KCNQ1: variants seen among roughly 807,000 people sequenced by gnomAD.
The protein encoded by KCNQ1 is potassium voltage-gated channel subfamily KQT member 1.
In KCNQ1, 49 loss-of-function variants were observed where a neutral mutation model predicts 72.4. The observed-to-expected ratio is 0.68, with a 90% CI of 0.54 to 0.86. The LOEUF (loss-of-function observed/expected upper bound fraction) is 0.86. Ranked by LOEUF, KCNQ1 falls within the 40% of genes least tolerant of loss-of-function variation. The pLI is 0.00. For missense variants in KCNQ1, 790 were observed against 945.1 expected, an observed-to-expected ratio of 0.84 and a Z score of 2.15; for synonymous variants, 450 against 412.6, an observed-to-expected ratio of 1.09 and a Z score of -1.10.
In KCNQ1 at chr11:2,445,126, G is replaced by A. The variant is rs1477225534; in HGVS notation, c.28G>A (p.Ala10Thr). 3 of 1,114,232 alleles carry A rather than the reference G, an allele frequency of 2.7e-6. No individual in the cohort carries two copies. The South Asian group carries it at 1.1e-4, about 39-fold the overall frequency. 69.0% of individuals were successfully genotyped at this position (1,114,232 alleles called of 1,614,324 possible). Residue 10 changes from alanine (A) to threonine (T), a missense_variant, in exon 1 of 16, where the codon GCC becomes ACC. Around this residue, in one of 5 missense-constraint regions of KCNQ1, gnomAD observed 294 missense variants for 323.3 expected, o/e 0.91. Coordinates refer to ENST00000155840, the MANE Select transcript of KCNQ1 (RefSeq NM_000218.3). MAAASSPPRAERKRWGWGRL... is the reference protein window; with the variant it reads MAAASSPPRTERKRWGWGRL... ...GGCCGCGGCCTCCTCCCCGCCCAGG[G>A]CCGAGAGGAAGCGCTGGGGTTGGGG...
intron 11 of KCNQ1, chr11:2,686,825 A>AC (rs1387000169): frequency 2.5e-6 from 1 of 398,550 alleles, no homozygotes; most frequent in East Asian, 3.6e-5. Flanking sequence ...GAGCAGCACA[A>AC]GTAACTCAGA....
intron 2 of KCNQ1, among the ~76,000 whole-genome samples, chr11:2,556,591 A>G (rs1848073817): frequency 6.6e-6 from 1 of 152,188 alleles, no homozygotes; most frequent in Non-Finnish European, 1.5e-5. Flanking sequence ...TAAAATATTT[A>G]CTATCTGGCT....
In KCNQ1 at chr11:2,713,895, A is replaced by G. The variant is rs959321116; in HGVS notation, c.1514+51814A>G. Among the ~76,000 whole-genome samples the G allele has an allele frequency of 1.3e-5, 2 of 152,224 alleles. No individual in the cohort carries two copies. Among genetic ancestry groups the G allele is most frequent in the Non-Finnish European group, 1.5e-5 (1 of 68,032 alleles). ...GCGCTCGGAGCCTGGCCCTGCAGAC[A>G]CGATGGCCCAGCACGCCGCTCACTG... On this transcript the variant is annotated intron_variant, in intron 11 of 15. Coordinates refer to ENST00000155840, the MANE Select transcript of KCNQ1 (RefSeq NM_000218.3). The surrounding 1 kb of genome is among the most constrained non-coding windows in gnomAD (Gnocchi z 5.6).
chr11:2,525,605 A>G (rs1847485220), intron 1 of KCNQ1, among the ~76,000 whole-genome samples: 1 of 152,208 alleles, frequency 6.6e-6, no homozygotes, highest in South Asian at 2.1e-4. Context: ...AATGCCAGGC[A>G]GCTTATGCAG....
chr11:2,484,256 G>C lies in KCNQ1; in HGVS notation c.386+38772G>C, dbSNP rs551624799. ...TCGGCTCACTGAAACCTCTGCCTCC[G>C]GGGTTCAAGTGATTCTCCTGCCTCA... On this transcript the variant is annotated intron_variant, in intron 1 of 15. Transcript: ENST00000155840. The surrounding 1 kb of genome is among the most constrained non-coding windows in gnomAD (Gnocchi z 5.2). Among the ~76,000 whole-genome samples the C allele has an allele frequency of 3.2e-4, 48 of 152,094 alleles. No homozygotes were observed. The highest frequency in any genetic ancestry group is 9.4e-4 in the African/African-American group (39 of 41,484).
chr11:2,681,375 TG>T, intron 11 of KCNQ1: 1 of 398,502 alleles, frequency 2.5e-6, no homozygotes, highest in Admixed American at 4.4e-5. Context: ...ATGTGGAGGA[TG>T]GCTCTTGGGG....
intron 12 of KCNQ1, among the ~76,000 whole-genome samples, chr11:2,774,065 G>A (rs1301116539): frequency 1.3e-5 from 2 of 152,008 alleles, no homozygotes; most frequent in Non-Finnish European, 2.9e-5. Flanking sequence ...CCATTTCATA[G>A]AAGAGAACTC....
rs994164485 is a variant in KCNQ1 at position 2,624,141 on chromosome 11, G to C, written c.1393+35287G>C. 3 of 398,242 alleles carry C rather than the reference G, an allele frequency of 7.5e-6. No homozygotes were observed. Among genetic ancestry groups the C allele is most frequent in the Admixed American group, 4.4e-5 (1 of 22,692 alleles). 24.7% of individuals were successfully genotyped at this position (398,242 alleles called of 1,614,324 possible). ...AGCGTGTAGATATATCACATTTCTT[G>C]TTTTAATTTCCATTTCCCTAATGAC... On this transcript the variant is annotated intron_variant, in intron 10 of 15. Transcript: ENST00000155840. The surrounding 1 kb of genome is among the most constrained non-coding windows in gnomAD (Gnocchi z 4.9).
rs1434100881 is a variant in KCNQ1 at position 2,523,489 on chromosome 11, C to T, written c.387-4439C>T. On this transcript the variant is annotated intron_variant, in intron 1 of 15. Coordinates refer to ENST00000155840, the MANE Select transcript of KCNQ1 (RefSeq NM_000218.3). Reference sequence around the variant, plus strand: ...TGCTGGGATTGCAGGTGTGAGCCGCCGCGCCCGGCCCCACCACTGCTTTCT... The same window carrying T: ...TGCTGGGATTGCAGGTGTGAGCCGCTGCGCCCGGCCCCACCACTGCTTTCT... Among the ~76,000 whole-genome samples, 12 of 152,310 alleles carry T rather than the reference C, an allele frequency of 7.9e-5. No individual in the cohort carries two copies. The South Asian group carries it at 2.3e-3, about 29-fold the overall frequency.
chr11:2,520,692 G>C (rs1847367226), intron 1 of KCNQ1, among the ~76,000 whole-genome samples: 2 of 152,210 alleles, frequency 1.3e-5, no homozygotes, highest in Admixed American at 1.3e-4. Context: ...AGACCTGCTG[G>C]TGACCAGTGA....
In KCNQ1 at chr11:2,654,169, G is replaced by A; in HGVS notation, c.1394-7792G>A. ...TCTATGAGCCGGGCATGGGCAGCTG[G>A]CACAGGCTGTGGGGCTGCGGCTCAG... On this transcript the variant is annotated intron_variant, in intron 10 of 15. Coordinates refer to ENST00000155840, the MANE Select transcript of KCNQ1 (RefSeq NM_000218.3). This position sits in a 1 kb window ranked among gnomAD's most constrained non-coding sequence, Gnocchi z 6.4. The A allele has an allele frequency of 2.5e-6, 1 of 398,810 alleles. No individual in the cohort carries two copies. The highest frequency in any genetic ancestry group is 4.4e-6 in the Non-Finnish European group (1 of 226,216). 24.7% of individuals were successfully genotyped at this position (398,810 alleles called of 1,614,324 possible).
Position 2,518,655 on chromosome 11 carries a change from C to T in KCNQ1, c.387-9273C>T, listed in dbSNP as rs191874933. On this transcript the variant is annotated intron_variant, in intron 1 of 15. Transcript: ENST00000155840. ...GATGGCTCCTGGATAGGCGGGCTGGCGGCTCTGTCTAACGGGGACAGCACA... is the reference window on the plus strand; with the variant it reads ...GATGGCTCCTGGATAGGCGGGCTGGTGGCTCTGTCTAACGGGGACAGCACA... 3.4e-3 allele frequency among the ~76,000 whole-genome samples: 520 copies of T among 152,214 alleles called. 10 individuals are homozygous for T. Among genetic ancestry groups the T allele is most frequent in the East Asian group, 1.2e-3 (6 of 5,164 alleles).
rs1372446680 is a variant in KCNQ1 at position 2,748,697 on chromosome 11, C to T, written c.1515-20147C>T. 6.9e-6 allele frequency among the ~76,000 whole-genome samples: 1 copy of T among 145,788 alleles called. No individual in the cohort carries two copies. The highest frequency in any genetic ancestry group is 1.5e-5 in the Non-Finnish European group (1 of 65,202). ...CGGCTGGATCACAGAGCTTCGGGTCCAGCCAGCTGCTGCTGCCCCTCCCTC... is the reference window on the plus strand; with the variant it reads ...CGGCTGGATCACAGAGCTTCGGGTCTAGCCAGCTGCTGCTGCCCCTCCCTC... On this transcript the variant is annotated intron_variant, in intron 11 of 15. Transcript: ENST00000155840. The surrounding 1 kb of genome is among the most constrained non-coding windows in gnomAD (Gnocchi z 6.2).
rs1280869157 is a variant in KCNQ1, at chr11:2,645,948, C to T, written c.1394-16013C>T. On this transcript the variant is annotated intron_variant, in intron 10 of 15. Coordinates refer to ENST00000155840, the MANE Select transcript of KCNQ1 (RefSeq NM_000218.3). This position sits in a 1 kb window ranked among gnomAD's most constrained non-coding sequence, Gnocchi z 5.8. The stretch of plus-strand genomic sequence containing the variant: ...TAGCCTCTTGTTAGTCTCAAGGCAT[C>T]TATGGGTCAGGGGGTTCTCTGACTA... 1 of 398,500 alleles carries T rather than the reference C, an allele frequency of 2.5e-6. No individual in the cohort carries two copies. The highest frequency in any genetic ancestry group is 4.4e-6 in the Non-Finnish European group (1 of 226,100). The allele number at this position is 398,500 out of a possible 1,614,324, so 24.7% of individuals were successfully genotyped here. A position where few individuals can be genotyped will look rare whatever the true frequency, so the allele number is the denominator to read the frequency against.
At chr11:2,629,568 C>T in intron 10 of KCNQ1, 2 of 398,458 alleles carry the variant, frequency 5.0e-6, no homozygotes, top group Non-Finnish European at 8.8e-6. Flanking sequence ...GTTTTCCTGG[C>T]ACCATTTGTT....
Position 2,645,151 on chromosome 11 carries a change from G to A in KCNQ1, c.1394-16810G>A, listed in dbSNP as rs535254170. ...AGTAGCAGTGGCAGAACAATCTTCT[G>A]CCTCCCAAGGTGTCCATGCTGGTAT... On this transcript the variant is annotated intron_variant, in intron 10 of 15. Coordinates refer to ENST00000155840, the MANE Select transcript of KCNQ1 (RefSeq NM_000218.3). The surrounding 1 kb of genome is among the most constrained non-coding windows in gnomAD (Gnocchi z 5.8). 7.5e-5 allele frequency: 30 copies of A among 398,690 alleles called. No homozygotes were observed. In the East Asian group the frequency reaches 1.0e-3, roughly 13 times the overall value. The allele number at this position is 398,690 out of a possible 1,614,324, so 24.7% of individuals were successfully genotyped here.
chr11:2,577,362 C>T (rs1353863114), intron 6 of KCNQ1, among the ~76,000 whole-genome samples: 1 of 152,214 alleles, frequency 6.6e-6, no homozygotes, highest in Non-Finnish European at 1.5e-5. Flanking sequence ...AGCAGGGAGG[C>T]CTCCTTGAGG....
chr11:2,630,036 A>G (rs1288949281), intron 10 of KCNQ1: 15 of 397,868 alleles, frequency 3.8e-5, no homozygotes, highest in East Asian at 2.9e-4. Context: ...AGCATTGAGT[A>G]TGATGTTAGC....
chr11:2,751,938 C>T (rs1465268465), intron 11 of KCNQ1, among the ~76,000 whole-genome samples: 1 of 152,206 alleles, frequency 6.6e-6, no homozygotes, highest in African/African-American at 2.4e-5. Flanking sequence ...TGCCCACACA[C>T]GGCAAGACGT....
Sources: gnomAD v4.1 joint callset for allele counts (sites outside exome capture counted in the v4.1 genomes callset) on GRCh38, gnomAD v4.1.1 for gene constraint, gnomAD v4.1.1 regional missense constraint, Gnocchi (gnomAD v3.1) non-coding constraint, MANE v1.5 for transcripts, NCBI Gene and HGNC (gene_info 2026-07-23, HGNC 2026-07-21) for gene names.